The following SOX5 variants were observed in gnomAD, a reference collection of about 807,000 sequenced individuals.
The protein encoded by SOX5 is SRY-box transcription factor 5.
Under a neutral mutation model 92.0 loss-of-function variants are expected in SOX5, and 9 were observed. The observed-to-expected ratio is 0.10, with a 90% confidence interval of 0.06 to 0.17. The LOEUF (loss-of-function observed/expected upper bound fraction) is 0.17, where lower values mean the gene tolerates loss of function less well. SOX5 is among the 10% of genes least tolerant of loss of function. The probability of loss-of-function intolerance (pLI) is 1.00; values close to 1 mark genes in which losing one functional copy is unlikely to be tolerated. For synonymous variants in SOX5, 344 were observed against 336.3 expected, an observed-to-expected ratio of 1.02 and a Z score of -0.25; for missense variants, 642 against 944.5, an observed-to-expected ratio of 0.68 and a Z score of 4.20.
intron 9 of SOX5, among the ~76,000 whole-genome samples, chr12:23,578,962 C>T (rs1310871179): frequency 2.1e-5 from 3 of 141,692 alleles, no homozygotes; most frequent in East Asian, 4.3e-4. Context: ...CAAAGCAAAG[C>T]AAAGAAAAAG....
At chr12:23,883,951 T>C (rs1002189460) in intron 2 of SOX5, among the ~76,000 whole-genome samples, 8 of 152,218 alleles carry the variant, frequency 5.3e-5, no homozygotes, top group African/African-American at 1.9e-4. Context: ...TTCTACAGTG[T>C]TTGATTTCTC....
At chr12:23,793,551 G>A (rs1045393578) in intron 3 of SOX5, among the ~76,000 whole-genome samples, 6 of 152,158 alleles carry the variant, frequency 3.9e-5, no homozygotes, top group Non-Finnish European at 7.4e-5. Flanking sequence ...TATAGGTGGG[G>A]AATTCTAAAA....
rs1191911802 is a variant in SOX5 at position 23,734,765 on chromosome 12, T to C, written c.742-13A>G. 4.3e-6 allele frequency: 7 copies of C among 1,609,428 alleles called. No homozygotes were observed. Among genetic ancestry groups the C allele is most frequent in the Admixed American group, 3.4e-5 (2 of 59,682 alleles). ...GCTGTCTTGCAATCTGTGAAGAAAT[T>C]GCACATGAGAAATTTACAAGTATAT... On this transcript the variant is annotated splice_polypyrimidine_tract_variant and intron_variant, in intron 5 of 14. Transcript: ENST00000451604.
intron 8 of SOX5, among the ~76,000 whole-genome samples, chr12:23,635,753 A>G (rs1414375542): frequency 6.6e-6 from 1 of 152,154 alleles, no homozygotes; most frequent in East Asian, 1.9e-4. Flanking sequence ...CAAGATCAAG[A>G]TAGAAAGACC....
intron 4 of SOX5, among the ~76,000 whole-genome samples, chr12:23,972,901 A>T (rs1460764639): frequency 6.6e-6 from 1 of 152,122 alleles, no homozygotes; most frequent in Non-Finnish European, 1.5e-5. Flanking sequence ...GCAATAGATC[A>T]CTAAAACTAT....
At chr12:24,485,456 A>T (rs905058634) in intron 1 of SOX5, among the ~76,000 whole-genome samples, 1 of 152,212 alleles carries the variant, frequency 6.6e-6, no homozygotes, top group Non-Finnish European at 1.5e-5. Flanking sequence ...AAAACATTTT[A>T]GTGATGTACG....
chr12:23,554,932 C>T (rs933554736), intron 11 of SOX5, among the ~76,000 whole-genome samples: 1 of 152,002 alleles, frequency 6.6e-6, no homozygotes, highest in Non-Finnish European at 1.5e-5. Context: ...TTGAGGGCAG[C>T]TGTTTGATCT....
intron 9 of SOX5, among the ~76,000 whole-genome samples, chr12:23,581,865 T>G (rs899667401): frequency 2.0e-5 from 3 of 151,706 alleles, no homozygotes; most frequent in African/African-American, 7.2e-5. Flanking sequence ...ACACTTTGAT[T>G]CTTCAACAGC....
intron 2 of SOX5, among the ~76,000 whole-genome samples, chr12:24,323,596 G>C (rs1950408336): frequency 6.6e-6 from 1 of 151,974 alleles, no homozygotes; most frequent in Non-Finnish European, 1.5e-5. Flanking sequence ...TATCTTTTAA[G>C]TGTTCATGAG....
rs371970911 is a variant in SOX5 at position 24,251,698 on chromosome 12, A to G, written c.-77+25518T>C. ...GCGATTCTCCTGCCTCAGCCTCCCAAGTAGCTGGGATTACAGGCGCCTGCC... is the reference window on the plus strand; with the variant it reads ...GCGATTCTCCTGCCTCAGCCTCCCAGGTAGCTGGGATTACAGGCGCCTGCC... On this transcript the variant is annotated intron_variant, in intron 3 of 4. Coordinates refer to the SOX5 transcript ENST00000446891. Among the ~76,000 whole-genome samples the G allele has an allele frequency of 1.9e-4, 29 of 151,842 alleles. No homozygotes were observed. The East Asian group carries it at 5.1e-3, about 26-fold the overall frequency.
chr12:23,896,160 T>C (rs1227762492), intron 1 of SOX5, 136 bp from the exon 2 acceptor site: 2 of 635,520 alleles, frequency 3.1e-6, no homozygotes, highest in Non-Finnish European at 5.6e-6. Flanking sequence ...CAAATACCAC[T>C]GCAAAGCACA....
intron 11 of SOX5, among the ~76,000 whole-genome samples, chr12:23,560,925 C>T (rs1158334469): frequency 6.6e-6 from 1 of 152,098 alleles, no homozygotes; most frequent in Non-Finnish European, 1.5e-5. Flanking sequence ...AATTCAGATC[C>T]GTTGATTGAG....
At chr12:23,775,990 A>G (rs1218590070) in intron 3 of SOX5, among the ~76,000 whole-genome samples, 2 of 152,210 alleles carry the variant, frequency 1.3e-5, no homozygotes, top group African/African-American at 4.8e-5. Context: ...TTTCGAGACG[A>G]AACTGCTTTA....
chr12:23,886,027 T>C (rs1436332496), intron 2 of SOX5, among the ~76,000 whole-genome samples: 1 of 152,158 alleles, frequency 6.6e-6, no homozygotes, highest in Non-Finnish European at 1.5e-5. Context: ...CTGAATGCTT[T>C]TAATTTACCT....
intron 6 of SOX5, among the ~76,000 whole-genome samples, chr12:23,727,983 G>A (rs1405952385): frequency 6.6e-6 from 1 of 152,136 alleles, no homozygotes; most frequent in Non-Finnish European, 1.5e-5. Context: ...TAAGAAGAAT[G>A]AGTGGATTTC....
intron 2 of SOX5, among the ~76,000 whole-genome samples, chr12:23,873,973 G>T (rs191719853): frequency 6.6e-6 from 1 of 152,126 alleles, no homozygotes; most frequent in African/African-American, 2.4e-5. Flanking sequence ...GTAAGAATAC[G>T]GTTAACTGTG....
chr12:24,049,777 T>A lies in SOX5; in HGVS notation c.-1-153753A>T, dbSNP rs1228128194. ...CACATTTATCCCAATAATCTTTAGA[T>A]GTTTATACCTTAAAAGTTACTCAGC... is the stretch of plus-strand genomic sequence containing the variant. On this transcript the variant is annotated intron_variant, in intron 4 of 4. Coordinates refer to the SOX5 transcript ENST00000446891. 2.0e-5 allele frequency among the ~76,000 whole-genome samples: 3 copies of A among 151,528 alleles called. No homozygotes were observed. In the East Asian group the frequency reaches 5.8e-4, roughly 29 times the overall value.
At chr12:23,745,273 T>C (rs1312356478) in intron 4 of SOX5, among the ~76,000 whole-genome samples, 1 of 152,174 alleles carries the variant, frequency 6.6e-6, no homozygotes, top group African/African-American at 2.4e-5. Context: ...TTGTCATCTT[T>C]TTTCATGAAT....
chr12:23,794,927 ATTTT>A (rs5797040), intron 3 of SOX5, among the ~76,000 whole-genome samples: 5 of 151,750 alleles, frequency 3.3e-5, no homozygotes, highest in African/African-American at 1.2e-4. Flanking sequence ...TTAGATTAGA[ATTTT>A]TTTTAACAAT....
Sources: allele counts gnomAD v4.1 joint callset (sites outside exome capture counted in the v4.1 genomes callset), GRCh38; gene constraint gnomAD v4.1.1; transcripts MANE v1.5; gene names NCBI Gene and HGNC (gene_info 2026-07-23, HGNC 2026-07-21).